Variants in DEPTOR observed in about 807,000 individuals in gnomAD.
DEPTOR encodes the protein DEP domain containing MTOR interacting protein, also known as DEP domain-containing mTOR-interacting protein.
Under a neutral mutation model 41.6 loss-of-function variants are expected in DEPTOR, and 41 were observed. The observed-to-expected ratio is 0.98, with a 90% CI of 0.77 to 1.28. The LOEUF is 1.28. DEPTOR is among the 50% of genes most tolerant of loss of function. DEPTOR has a pLI of 0.00. For synonymous variants in DEPTOR, 195 were observed against 192.3 expected, an observed-to-expected ratio of 1.01 and a Z score of -0.12; for missense variants, 514 against 527.9, an observed-to-expected ratio of 0.97 and a Z score of 0.26.
chr8:120,001,487 A>G (rs1586652719), intron 4 of DEPTOR, 38 bp from the exon 5 acceptor site: 1 of 1,559,114 alleles, frequency 6.4e-7, no homozygotes, highest in Non-Finnish European at 8.7e-7. Context: ...CCAGGATGCC[A>G]GATAGTCCTC....
intron 6 of DEPTOR, among the ~76,000 whole-genome samples, chr8:120,005,918 C>T (rs893095945): frequency 6.6e-6 from 1 of 152,094 alleles, no homozygotes; most frequent in Non-Finnish European, 1.5e-5. Flanking sequence ...GCTTGCAGGA[C>T]AGCATGGCCC....
intron 8 of DEPTOR, among the ~76,000 whole-genome samples, chr8:120,029,515 C>T (rs768806341): frequency 6.6e-5 from 10 of 152,080 alleles, no homozygotes; most frequent in Non-Finnish European, 1.5e-4. Flanking sequence ...CCTGTCTCAG[C>T]CACCGAAATA....
At chr8:120,001,439 G>T in intron 4 of DEPTOR, 86 bp from the exon 5 acceptor site, 3 of 1,218,678 alleles carry the variant, frequency 2.5e-6, no homozygotes, top group Middle Eastern at 2.8e-4. Flanking sequence ...GACTTTTGCC[G>T]CTGTTGCCTG....
chr8:120,029,635 A>T (rs1484568339), intron 8 of DEPTOR, among the ~76,000 whole-genome samples: 1 of 152,092 alleles, frequency 6.6e-6, no homozygotes, highest in East Asian at 1.9e-4. Context: ...ACCCCAGGTG[A>T]TCCACCCACC....
At chr8:119,954,145 CTTT>C (rs11352000) in intron 3 of DEPTOR, among the ~76,000 whole-genome samples, 1 of 141,602 alleles carries the variant, frequency 7.1e-6, no homozygotes, top group Admixed American at 7.1e-5. Context: ...GAATAATTAA[CTTT>C]TTTTTTTTTT....
At position 119,956,798 on chromosome 8, in the gene DEPTOR, A is replaced by T. The variant is rs376169171; in HGVS notation, c.426-8434A>T. Among the ~76,000 whole-genome samples the T allele has an allele frequency of 9.7e-5, 14 of 144,314 alleles. No individual in the cohort carries two copies. The East Asian group carries it at 2.4e-3, about 25-fold the overall frequency. 94.7% of individuals were successfully genotyped at this position (144,314 alleles called of 152,430 possible). ...CACCCAGGCTGAAGTGCAATGTCAC[A>T]ATCTCAGCTCACTGTAACGTCTGCC... On this transcript the variant is annotated intron_variant, in intron 3 of 8. Coordinates refer to ENST00000286234, the MANE Select transcript of DEPTOR (RefSeq NM_022783.4).
chr8:120,048,156 T>G (rs1397148762), intron 8 of DEPTOR, among the ~76,000 whole-genome samples: 1 of 152,164 alleles, frequency 6.6e-6, no homozygotes, highest in Non-Finnish European at 1.5e-5. Context: ...TGCCCTCTTA[T>G]TTGGCAGTGC....
chr8:119,955,233 C>A (rs1828403165), intron 3 of DEPTOR, among the ~76,000 whole-genome samples: 1 of 152,118 alleles, frequency 6.6e-6, no homozygotes, highest in Non-Finnish European at 1.5e-5. Flanking sequence ...CAAATATTTT[C>A]TCCCATTCTG....
intron 7 of DEPTOR, among the ~76,000 whole-genome samples, chr8:120,008,501 C>G (rs908094366): frequency 1.6e-5 from 2 of 128,206 alleles, no homozygotes; most frequent in Non-Finnish European, 3.1e-5. Context: ...GCACTCCAGC[C>G]TGGGTGACAG....
intron 3 of DEPTOR, among the ~76,000 whole-genome samples, chr8:119,946,298 GTAAT>G (rs1828273914): frequency 6.6e-6 from 1 of 152,058 alleles, no homozygotes; most frequent in South Asian, 2.1e-4. Flanking sequence ...AGTTAAATTT[GTAAT>G]TAAATTTTAA....
In DEPTOR at chr8:119,918,191, T is replaced by C. The variant is rs574444311; in HGVS notation, c.123-10209T>C. 9.9e-5 allele frequency among the ~76,000 whole-genome samples: 15 copies of C among 152,182 alleles called. No individual in the cohort carries two copies. In the South Asian group the frequency reaches 3.1e-3, roughly 32 times the overall value. ...TCTATACTTTGTCTCTGTGTCTCTT[T>C]CTTTTCCAAGTCTCTCGTTCCACCT... is the stretch of plus-strand genomic sequence containing the variant. On this transcript the variant is annotated intron_variant, in intron 1 of 8. Transcript: ENST00000286234.
At chr8:119,937,678 T>A (rs1828132193) in intron 3 of DEPTOR, among the ~76,000 whole-genome samples, 1 of 152,176 alleles carries the variant, frequency 6.6e-6, no homozygotes, top group African/African-American at 2.4e-5. Context: ...GCTGCCACCA[T>A]TTTGTGGATA....
At chr8:119,916,242 G>A (rs113469007) in intron 1 of DEPTOR, among the ~76,000 whole-genome samples, 15,580 of 147,650 alleles carry the variant, frequency 0.11, 1,396 homozygotes, top group African/African-American at 0.23. Context: ...TGGGATTACA[G>A]GCACATGCCA....
intron 1 of DEPTOR, among the ~76,000 whole-genome samples, chr8:119,896,030 A>G (rs1204447277): frequency 1.3e-5 from 2 of 151,390 alleles, no homozygotes; most frequent in African/African-American, 4.8e-5. Context: ...TGGCTAATTT[A>G]TTCCTTGGGA....
intron 3 of DEPTOR, among the ~76,000 whole-genome samples, chr8:119,944,986 G>A (rs146444055): frequency 3.9e-5 from 6 of 152,070 alleles, no homozygotes; most frequent in African/African-American, 1.2e-4. Flanking sequence ...CTTCCTCTCT[G>A]CTTCTGTATC....
intron 3 of DEPTOR, among the ~76,000 whole-genome samples, chr8:119,956,741 T>G (rs1158328980): frequency 4.8e-5 from 2 of 41,552 alleles, no homozygotes; most frequent in African/African-American, 1.9e-4. Flanking sequence ...TTTTTTTTTG[T>G]TTTTTTTTTT....
At chr8:119,923,345 G>C in intron 1 of DEPTOR, among the ~76,000 whole-genome samples, 1 of 152,194 alleles carries the variant, frequency 6.6e-6, no homozygotes, top group Non-Finnish European at 1.5e-5. Context: ...CCAGGCTCAA[G>C]TGATGCTCCC....
chr8:120,045,185 C>T (rs977390604), intron 8 of DEPTOR, among the ~76,000 whole-genome samples: 2 of 152,102 alleles, frequency 1.3e-5, no homozygotes, highest in African/African-American at 2.4e-5. Context: ...ACTGGCTGCT[C>T]TGGACAGCAT....
chr8:120,021,237 T>C lies in DEPTOR; in HGVS notation c.1101+12104T>C, dbSNP rs188283302. ...GGCCAACATGGCGAAACCCCGTCTC[T>C]ACTAAAAATACAAAAAATTAGCCGG... On this transcript the variant is annotated intron_variant, in intron 8 of 8. Transcript: ENST00000286234. Among the ~76,000 whole-genome samples, 1,391 of 152,012 alleles carry C rather than the reference T, an allele frequency of 9.2e-3. 20 individuals carry two copies. The highest frequency in any genetic ancestry group is 0.031 in the African/African-American group (1,283 of 41,470).
Sources: allele counts gnomAD v4.1 joint callset (sites outside exome capture counted in the v4.1 genomes callset), GRCh38; gene constraint gnomAD v4.1.1; transcripts MANE v1.5; gene names NCBI Gene and HGNC (gene_info 2026-07-23, HGNC 2026-07-21).